IL3RA: variants seen among roughly 807,000 people sequenced by gnomAD.
IL3RA encodes the protein interleukin 3 receptor subunit alpha.
IL3RA carries 73 observed loss-of-function variants against 52.3 expected under a neutral mutation model. The ratio of observed to expected loss-of-function variants is 1.40; its 90% CI spans 1.16 to 1.70. The LOEUF is 1.70. Among genes scored for constraint, IL3RA ranks in the 40% most tolerant of loss-of-function variants. The probability of loss-of-function intolerance (pLI) is 0.00; values close to 1 mark genes in which losing one functional copy is unlikely to be tolerated. For missense variants in IL3RA, 664 were observed against 504.4 expected (o/e 1.32, Z -3.03); for synonymous variants, 260 against 194.0 (o/e 1.34, Z -2.83).
chrX:1,348,490 C>T lies in IL3RA; in HGVS notation c.243C>T (p.Tyr81=), dbSNP rs1312225891. The T allele has an allele frequency of 1.9e-6, 3 of 1,613,822 alleles. No individual in the cohort carries two copies. Among genetic ancestry groups the T allele is most frequent in the Non-Finnish European group, 2.5e-6 (3 of 1,179,862 alleles). ...GAISLCEVTN[Y]TVRVANPPFS... ...TTTCCTTATGTGAAGTGACCAACTA[C>T]ACCGTCCGAGTGGCCAACCCACCAT... The change falls in exon 4 of 12, where the codon TAC becomes TAT. Residue 81 remains tyrosine (Y), a synonymous_variant. Transcript: ENST00000331035.
At chrX:1,358,529 C>G in intron 7 of IL3RA, among the ~76,000 whole-genome samples, 1 of 151,946 alleles carries the variant, frequency 6.6e-6, no homozygotes, top group East Asian at 1.9e-4. Flanking sequence ...CGTGGTGGCA[C>G]GCACCTGTAG....
chrX:1,353,326 A>ACC (rs68004442), intron 6 of IL3RA, among the ~76,000 whole-genome samples: 1 of 134,840 alleles, frequency 7.4e-6, no homozygotes, highest in African/African-American at 2.9e-5. Context: ...GGGTCATGGG[A>ACC]CCCCCCCATC....
chrX:1,342,448 G>C (rs1402994890), intron 2 of IL3RA, among the ~76,000 whole-genome samples: 48 of 151,842 alleles, frequency 3.2e-4, no homozygotes, highest in African/African-American at 1.1e-3. Context: ...TTACAGGTGT[G>C]AGCCACAGCG....
chrX:1,356,254 G>A lies in IL3RA; in HGVS notation c.650G>A (p.Cys217Tyr). The A allele has an allele frequency of 6.2e-7, 1 of 1,613,492 alleles. No homozygotes were observed. The change falls in exon 7 of 12, where the codon TGT becomes TAT. Residue 217 changes from cysteine (C) to tyrosine (Y), a missense_variant. Physicochemically the swap from Cys to Tyr is radical, Grantham distance 194. Transcript: ENST00000331035. ...ACTCCACCCAACATGACTGCAAAGTGTAATAAGACACATTCCTTTATGCAC... is the reference window on the plus strand; with the variant it reads ...ACTCCACCCAACATGACTGCAAAGTATAATAAGACACATTCCTTTATGCAC... ...ILTPPNMTAK[C>Y]NKTHSFMHWK... is the part of the protein sequence containing the mutation.
chrX:1,338,517 C>G (rs2085382922), intron 1 of IL3RA, among the ~76,000 whole-genome samples: 2 of 152,166 alleles, frequency 1.3e-5, no homozygotes, highest in Admixed American at 1.3e-4. Context: ...ATAATGTGGT[C>G]CAGCCACACG....
chrX:1,353,555 G>C, intron 6 of IL3RA, among the ~76,000 whole-genome samples: 1 of 146,636 alleles, frequency 6.8e-6, no homozygotes. Flanking sequence ...TGGGTCATAG[G>C]ATCCCCCATC....
At chrX:1,376,972 G>T (rs2088792982) in intron 9 of IL3RA, among the ~76,000 whole-genome samples, 1 of 143,610 alleles carries the variant, frequency 7.0e-6, no homozygotes, top group Non-Finnish European at 1.5e-5. Flanking sequence ...GGCTGTGGGA[G>T]AATCAATGTG....
At position 1,341,896 on chromosome X, in the gene IL3RA, C is replaced by T. The variant is rs1355651833; in HGVS notation, c.64+67C>T. On this transcript the variant is annotated intron_variant, in intron 2 of 11. Transcript: ENST00000331035. ...GTGGGGGTAGACAGACACACAATGT[C>T]AGCGTGCCGTCCTTCAGGGAAACTT... The T allele has an allele frequency of 3.9e-6, 6 of 1,521,136 alleles. No homozygotes were observed. The African/African-American group carries it at 4.1e-5, about 10-fold the overall frequency. The allele number at this position is 1,521,136 out of a possible 1,614,324, so 94.2% of individuals were successfully genotyped here. A position where few individuals can be genotyped will look rare whatever the true frequency, so the allele number is the denominator to read the frequency against.
intron 8 of IL3RA, among the ~76,000 whole-genome samples, chrX:1,360,685 AC>A (rs2087195821): frequency 7.2e-6 from 1 of 138,550 alleles, no homozygotes; most frequent in Admixed American, 6.8e-5. Context: ...TGCCCAACTA[AC>A]TTTTTTTTTT....
chrX:1,368,363 T>A (rs2088340725), intron 9 of IL3RA, among the ~76,000 whole-genome samples: 1 of 151,868 alleles, frequency 6.6e-6, no homozygotes, highest in Non-Finnish European at 1.5e-5. Context: ...GGTGGGTAGA[T>A]CACCTGAGGT....
At chrX:1,357,794 G>T (rs1220786786) in intron 7 of IL3RA, among the ~76,000 whole-genome samples, 25 of 140,072 alleles carry the variant, frequency 1.8e-4, no homozygotes, top group Non-Finnish European at 2.7e-4. Flanking sequence ...ATCTGTTTGG[G>T]TTTTTTTTTT....
At chrX:1,345,501 A>AT in intron 3 of IL3RA, 67 bp downstream of exon 3, 1 of 1,125,776 alleles carries the variant, frequency 8.9e-7, no homozygotes, top group East Asian at 2.9e-5. Flanking sequence ...GTATTTATTT[A>AT]TTTTTTGAGA....
At chrX:1,344,660 C>G (rs1414375960) in intron 2 of IL3RA, among the ~76,000 whole-genome samples, 3 of 151,120 alleles carry the variant, frequency 2.0e-5, no homozygotes, top group African/African-American at 7.3e-5. Context: ...GTAATCCTAG[C>G]TACTCGGGAG....
chrX:1,344,293 G>C (rs761011679), intron 2 of IL3RA, among the ~76,000 whole-genome samples: 1 of 151,584 alleles, frequency 6.6e-6, no homozygotes, highest in East Asian at 2.0e-4. Context: ...AATTAGCCGA[G>C]TGTGGTGGCA....
In IL3RA at chrX:1,377,092, A is replaced by T. The variant is rs1261000649; in HGVS notation, c.875-1567A>T. ...GGACACAGACACACACCAAGGGACA[A>T]CCCTGTGGGACACGGAGAAGACGGG... On this transcript the variant is annotated intron_variant, in intron 9 of 11. Coordinates refer to ENST00000331035, the MANE Select transcript of IL3RA (RefSeq NM_002183.4). Among the ~76,000 whole-genome samples the T allele has an allele frequency of 4.4e-4, 47 of 107,678 alleles. 1 individual carries two copies. Among genetic ancestry groups the T allele is most frequent in the African/African-American group, 2.1e-3 (47 of 22,190 alleles). 70.6% of individuals were successfully genotyped at this position (107,678 alleles called of 152,430 possible).
intron 8 of IL3RA, among the ~76,000 whole-genome samples, chrX:1,360,200 TTTCCTCC>T (rs1420032742): frequency 7.3e-6 from 1 of 137,388 alleles, no homozygotes; most frequent in Non-Finnish European, 1.6e-5. Flanking sequence ...CCGGTCTCTA[TTTCCTCC>T]CTCCCCATCT....
intron 9 of IL3RA, among the ~76,000 whole-genome samples, chrX:1,378,337 G>A (rs1266628584): frequency 1.3e-5 from 2 of 152,184 alleles, no homozygotes; most frequent in African/African-American, 4.8e-5. Flanking sequence ...GGCCTGCTGG[G>A]CACAGTGGAA....
At chrX:1,379,985 C>T (rs2089063570) in intron 10 of IL3RA, among the ~76,000 whole-genome samples, 1 of 152,106 alleles carries the variant, frequency 6.6e-6, no homozygotes, top group Non-Finnish European at 1.5e-5. Context: ...GTCTTGAACT[C>T]CTGACCTCAT....
At chrX:1,344,681 G>C (rs1235402992) in intron 2 of IL3RA, among the ~76,000 whole-genome samples, 10 of 151,612 alleles carry the variant, frequency 6.6e-5, no homozygotes, top group Admixed American at 6.6e-4. Flanking sequence ...GCTGAGGCAG[G>C]AGAATCGCTT....
Sources: allele counts gnomAD v4.1 joint callset (sites outside exome capture counted in the v4.1 genomes callset), GRCh38; gene constraint gnomAD v4.1.1; transcripts MANE v1.5; gene names NCBI Gene and HGNC (gene_info 2026-07-23, HGNC 2026-07-21).